The following EXOC6B variants were observed in gnomAD, a reference collection of about 807,000 sequenced individuals.
The protein encoded by EXOC6B is exocyst complex component 6B, also known as SEC15 homolog B.
Under a neutral mutation model 113.5 loss-of-function variants are expected in EXOC6B, and 54 were observed. That is an observed-to-expected ratio of 0.48 (90% CI 0.38 to 0.60). The LOEUF (loss-of-function observed/expected upper bound fraction) is 0.60. EXOC6B is among the 20% of genes least tolerant of loss of function. The pLI, the probability that EXOC6B is intolerant of heterozygous loss-of-function variation, is 0.00. For synonymous variants in EXOC6B, 357 were observed against 339.0 expected, an observed-to-expected ratio of 1.05 and a Z score of -0.58; for missense variants, 797 against 977.5, an observed-to-expected ratio of 0.82 and a Z score of 2.46.
rs1161999413 is a variant in EXOC6B, at chr2:72,554,976, A to G, written c.915+4477T>C. ...TGTGTCCATGTGTTCTCATTGTTCA[A>G]CTCCCACCTATGAGTGAGAACATGT... On this transcript the variant is annotated intron_variant, in intron 8 of 21. Transcript: ENST00000272427. 2.0e-5 allele frequency among the ~76,000 whole-genome samples: 3 copies of G among 151,440 alleles called. 1 individual carries two copies. The highest frequency in any genetic ancestry group is 4.4e-5 in the Non-Finnish European group (3 of 67,886).
intron 6 of EXOC6B, among the ~76,000 whole-genome samples, chr2:72,716,977 C>T (rs1254257105): frequency 6.6e-6 from 1 of 152,120 alleles, no homozygotes; most frequent in Non-Finnish European, 1.5e-5. Flanking sequence ...AGCTTCATTC[C>T]TGTATTCAAA....
intron 6 of EXOC6B, among the ~76,000 whole-genome samples, chr2:72,587,227 G>A (rs903118965): frequency 1.3e-5 from 2 of 152,130 alleles, no homozygotes; most frequent in African/African-American, 4.8e-5. Context: ...TGGAATACTA[G>A]GTAGCCATAA....
chr2:72,242,570 G>A (rs1673988598), intron 20 of EXOC6B, among the ~76,000 whole-genome samples: 1 of 151,992 alleles, frequency 6.6e-6, no homozygotes, highest in African/African-American at 2.4e-5. Context: ...GACAAAAAAA[G>A]GAACCAAGAA....
intron 6 of EXOC6B, among the ~76,000 whole-genome samples, chr2:72,621,474 C>T (rs1032198536): frequency 2.6e-5 from 4 of 151,774 alleles, no homozygotes; most frequent in African/African-American, 9.7e-5. Context: ...TGGACATAAA[C>T]ATGGGAAAAA....
chr2:72,388,373 T>C (rs576804753), intron 18 of EXOC6B, among the ~76,000 whole-genome samples: 1 of 152,208 alleles, frequency 6.6e-6, no homozygotes, highest in Admixed American at 6.5e-5. Context: ...ATATCTGTTA[T>C]AGATTTCTAA....
chr2:72,472,655 T>G (rs567308583), intron 17 of EXOC6B, among the ~76,000 whole-genome samples: 1 of 152,288 alleles, frequency 6.6e-6, no homozygotes, highest in East Asian at 1.9e-4. Context: ...ACCGACTTTT[T>G]GTTTCATTCA....
chr2:72,697,105 C>CAGATAT (rs70963140), intron 6 of EXOC6B, among the ~76,000 whole-genome samples: 62,663 of 142,510 alleles, frequency 0.44, 15,020 homozygotes, highest in East Asian at 0.75. Context: ...TTTTTATATA[C>CAGATAT]AGATATAGAT....
intron 18 of EXOC6B, among the ~76,000 whole-genome samples, chr2:72,440,505 C>T (rs1264725753): frequency 6.6e-6 from 1 of 152,196 alleles, no homozygotes; most frequent in Non-Finnish European, 1.5e-5. Context: ...ATCACCAGAC[C>T]TGCCTTGCAA....
At chr2:72,420,619 T>C (rs1694816596) in intron 18 of EXOC6B, among the ~76,000 whole-genome samples, 1 of 152,218 alleles carries the variant, frequency 6.6e-6, no homozygotes, top group South Asian at 2.1e-4. Context: ...TGCCACATTT[T>C]CTTAATCAAT....
chr2:72,551,492 G>A (rs1054179944), intron 8 of EXOC6B, among the ~76,000 whole-genome samples: 2 of 149,502 alleles, frequency 1.3e-5, no homozygotes, highest in Non-Finnish European at 3.0e-5. Context: ...CACCGCACCT[G>A]GCAAACATAA....
chr2:72,690,072 T>G (rs1677371883), intron 6 of EXOC6B, among the ~76,000 whole-genome samples: 1 of 152,218 alleles, frequency 6.6e-6, no homozygotes, highest in African/African-American at 2.4e-5. Flanking sequence ...TCAGAGCACT[T>G]ATTTTTCTGC....
chr2:72,234,617 T>C (rs1057104028), intron 20 of EXOC6B, among the ~76,000 whole-genome samples: 2 of 151,570 alleles, frequency 1.3e-5, no homozygotes, highest in African/African-American at 2.4e-5. Context: ...ATCAACAGAG[T>C]AAACAGACAA....
chr2:72,691,990 C>A (rs192102635), intron 6 of EXOC6B, among the ~76,000 whole-genome samples: 1 of 151,972 alleles, frequency 6.6e-6, no homozygotes, highest in Admixed American at 6.6e-5. Flanking sequence ...AGCCCCTGTT[C>A]CCCTCTTTAT....
chr2:72,630,688 T>G (rs1234841840), intron 6 of EXOC6B, among the ~76,000 whole-genome samples: 2 of 152,172 alleles, frequency 1.3e-5, no homozygotes, highest in African/African-American at 2.4e-5. Flanking sequence ...CTTTCTACAT[T>G]TTTAAAAACA....
intron 1 of EXOC6B, among the ~76,000 whole-genome samples, chr2:72,784,896 T>G (rs1384406764): frequency 6.6e-6 from 1 of 152,048 alleles, no homozygotes. Flanking sequence ...AACCCAAAAG[T>G]CCACAGTCCA....
At chr2:72,245,363 CA>C (rs1339510460) in intron 20 of EXOC6B, among the ~76,000 whole-genome samples, 1 of 152,102 alleles carries the variant, frequency 6.6e-6, no homozygotes, top group Non-Finnish European at 1.5e-5. Flanking sequence ...TATAGACAAA[CA>C]AGGAAAGGCA....
At chr2:72,622,015 A>G (rs1380076396) in intron 6 of EXOC6B, among the ~76,000 whole-genome samples, 1 of 152,112 alleles carries the variant, frequency 6.6e-6, no homozygotes, top group East Asian at 1.9e-4. Flanking sequence ...CCATGCCACA[A>G]TAAGTGAGGA....
intron 19 of EXOC6B, among the ~76,000 whole-genome samples, chr2:72,374,888 T>C (rs1691258497): frequency 6.6e-6 from 1 of 151,142 alleles, no homozygotes; most frequent in African/African-American, 2.4e-5. Context: ...TAAAAGATTG[T>C]CACACTGAAT....
chr2:72,330,999 T>G (rs1395764135), intron 20 of EXOC6B, among the ~76,000 whole-genome samples: 1 of 152,106 alleles, frequency 6.6e-6, no homozygotes, highest in East Asian at 1.9e-4. Context: ...CCTCAAAGTA[T>G]GAGTAAGCCC....
Sources: gnomAD v4.1 joint callset for allele counts (sites outside exome capture counted in the v4.1 genomes callset) on GRCh38, gnomAD v4.1.1 for gene constraint, MANE v1.5 for transcripts, NCBI Gene and HGNC (gene_info 2026-07-23, HGNC 2026-07-21) for gene names.